Variants in DOP1A observed in about 807,000 individuals in gnomAD.
DOP1A encodes protein DOP1A.
A neutral mutation model predicts 267.6 loss-of-function variants in DOP1A; 90 were observed. That is an observed-to-expected ratio of 0.34 (90% CI 0.28 to 0.40). The LOEUF is 0.40. Among genes scored for constraint, DOP1A ranks in the 10% least tolerant of loss-of-function variants. The pLI is 1.00. For missense variants in DOP1A, 2,437 were observed against 2,900.4 expected, an observed-to-expected ratio of 0.84 and a Z score of 3.67; for synonymous variants, 932 against 999.1, an observed-to-expected ratio of 0.93 and a Z score of 1.27.
intron 15 of DOP1A, among the ~76,000 whole-genome samples, chr6:83,125,948 T>C (rs922661501): frequency 2.0e-5 from 3 of 152,088 alleles, no homozygotes; most frequent in African/African-American, 7.2e-5. Flanking sequence ...GAATGGCATA[T>C]GTAATTCAAT....
intron 1 of DOP1A, among the ~76,000 whole-genome samples, chr6:83,086,722 T>A (rs1287511038): frequency 6.6e-6 from 1 of 152,170 alleles, no homozygotes. Flanking sequence ...TATGGGTGAT[T>A]TTTATACGGG....
intron 1 of DOP1A, chr6:83,073,082 T>C: frequency 4.3e-6 from 1 of 234,956 alleles, no homozygotes; most frequent in Non-Finnish European, 8.9e-6. Context: ...TCACTTTTTT[T>C]TCCTTTTTCT....
At position 83,139,122 on chromosome 6, in the gene DOP1A, A is replaced by G. The variant is rs562548300; in HGVS notation, c.5080A>G (p.Ile1694Val). 4.3e-5 allele frequency: 70 copies of G among 1,613,858 alleles called. 3 individuals carry two copies. The South Asian group carries it at 6.5e-4, about 15-fold the overall frequency. Residue 1694 changes from isoleucine to valine, a missense_variant, in exon 21 of 39, where the codon ATT becomes GTT. Coordinates refer to ENST00000349129, the MANE Select transcript of DOP1A (RefSeq NM_015018.4). ...ACTGTGCAGAAATTTAGATAATCTA[A>G]TTCAGCAGTACAAATACGAAACAGG... ...LQLCRNLDNL[I>V]QQYKYETGLS...
At chr6:83,099,811 C>G (rs1468897754) in intron 3 of DOP1A, among the ~76,000 whole-genome samples, 1 of 151,492 alleles carries the variant, frequency 6.6e-6, no homozygotes, top group East Asian at 1.9e-4. Context: ...CTTTGATGGT[C>G]ATTTCATATA....
Position 83,138,792 on chromosome 6 carries a change from A to C in DOP1A, c.4750A>C (p.Lys1584Gln). Residue 1584 changes from lysine to glutamine, a missense_variant, in exon 21 of 39, where the codon AAG (lysine) becomes CAG (glutamine). Physicochemically the swap from Lys to Gln is moderately conservative, Grantham distance 53. Around this residue, in one of 9 missense-constraint regions of DOP1A, gnomAD observed 878 missense variants for 992.9 expected, o/e 0.88. Transcript: ENST00000349129. Reference protein sequence around the residue: ...NGSTLQSQLLKVLQRLIVLEH... With the variant: ...NGSTLQSQLLQVLQRLIVLEH... ...CAGCACGTTGCAGTCACAACTTCTT[A>C]AGGTGCTTCAGAGGCTGATTGTTCT... 1 of 1,614,028 alleles carries C rather than the reference A, an allele frequency of 6.2e-7. No individual in the cohort carries two copies. Among genetic ancestry groups the C allele is most frequent in the Non-Finnish European group, 8.5e-7 (1 of 1,179,926 alleles).
At chr6:83,137,098 GTCTACATT>G in intron 20 of DOP1A, 67 bp from the exon 21 acceptor site, 1 of 1,353,822 alleles carries the variant, frequency 7.4e-7, no homozygotes, top group South Asian at 1.6e-5. Context: ...ATTTTGATCA[GTCTACATT>G]TCTACATTTC....
Position 83,138,638 on chromosome 6 carries a change from G to T in DOP1A, c.4596G>T (p.Leu1532Phe). 6.2e-7 allele frequency: 1 copy of T among 1,613,876 alleles called. No individual in the cohort carries two copies. The highest frequency in any genetic ancestry group is 8.5e-7 in the Non-Finnish European group (1 of 1,179,924). The change falls in exon 21 of 39, where the codon TTG (leucine) becomes TTT (phenylalanine). Residue 1532 changes from leucine (L) to phenylalanine (F), a missense_variant. By Grantham distance (22) the Leu-to-Phe change is conservative. Coordinates refer to ENST00000349129, the MANE Select transcript of DOP1A (RefSeq NM_015018.4). ...CKVQKVILHC[L>F]LSSIFSAQKW... The stretch of plus-strand genomic sequence containing the variant: ...TTCAGAAAGTGATTCTTCATTGTTT[G>T]CTGTCATCTATCTTTAGTGCTCAGA...
intron 17 of DOP1A, 78 bp from the exon 18 acceptor site, chr6:83,132,098 C>T (rs1053582235): frequency 4.0e-6 from 6 of 1,516,130 alleles, no homozygotes; most frequent in South Asian, 3.7e-5. Context: ...AGCAGGCATT[C>T]ATTTGTACCT....
chr6:83,144,307 A>G (rs1274235257), intron 24 of DOP1A, among the ~76,000 whole-genome samples: 1 of 152,150 alleles, frequency 6.6e-6, no homozygotes, highest in Non-Finnish European at 1.5e-5. Context: ...TAGCAAACCT[A>G]GAGAGTATCA....
intron 7 of DOP1A, among the ~76,000 whole-genome samples, chr6:83,116,972 A>G (rs1212958616): frequency 6.6e-6 from 1 of 152,180 alleles, no homozygotes; most frequent in Non-Finnish European, 1.5e-5. Flanking sequence ...CCAGGCCTGA[A>G]TAATCATAAT....
chr6:83,164,765 C>T, intron 38 of DOP1A: 5 of 1,508,380 alleles, frequency 3.3e-6, no homozygotes, highest in Non-Finnish European at 4.5e-6. Context: ...CAAAAGTTGC[C>T]AAATATTGAG....
chr6:83,068,770 G>A (rs1324776235), intron 1 of DOP1A, among the ~76,000 whole-genome samples: 2 of 152,210 alleles, frequency 1.3e-5, no homozygotes, highest in African/African-American at 4.8e-5. Flanking sequence ...CTCACCACCT[G>A]ATAGATAACA....
chr6:83,139,210 ATGAC>A, intron 21 of DOP1A, 48 bp downstream of exon 21: 3 of 1,392,650 alleles, frequency 2.2e-6, no homozygotes, highest in Non-Finnish European at 3.0e-6. Context: ...TTTCACATAT[ATGAC>A]TGCTTAATGT....
chr6:83,142,923 AT>A (rs1399578929), intron 24 of DOP1A, among the ~76,000 whole-genome samples: 3 of 152,206 alleles, frequency 2.0e-5, no homozygotes, highest in Admixed American at 2.0e-4. Context: ...TATAACTTAC[AT>A]TTATATAAAA....
At chr6:83,141,861 G>A (rs1306642662) in intron 23 of DOP1A, 60 bp from the exon 24 acceptor site, 1 of 1,547,922 alleles carries the variant, frequency 6.5e-7, no homozygotes, top group Non-Finnish European at 8.7e-7. Context: ...ACGCAGTCTA[G>A]TTGTAAATGT....
At chr6:83,097,164 G>T (rs1378749829) in intron 3 of DOP1A, 49 bp downstream of exon 3, 3 of 1,564,894 alleles carry the variant, frequency 1.9e-6, no homozygotes, top group African/African-American at 1.4e-5. Flanking sequence ...TTAGAAATCT[G>T]TGTTTGTACT....
rs1770517771 is a variant in DOP1A, at chr6:83,092,063, T to C, written c.-146-4668T>C. Among the ~76,000 whole-genome samples, 8 of 152,328 alleles carry C rather than the reference T, an allele frequency of 5.3e-5. No individual in the cohort carries two copies. In the South Asian group the frequency reaches 1.7e-3, roughly 32 times the overall value. ...TGTCACTGTTGGTATTTAACTGTTT[T>C]ATTAGCTATCAGAGTTTATGGCCTT... On this transcript the variant is annotated intron_variant, in intron 1 of 38. Transcript: ENST00000349129.
Position 83,138,978 on chromosome 6 carries a change from C to T in DOP1A, c.4936C>T (p.Arg1646Ter). The change falls in exon 21 of 39, where the codon CGA becomes TGA. Residue 1646 changes from arginine (R) to a stop codon, truncating the protein, a stop_gained. Coordinates refer to ENST00000349129, the MANE Select transcript of DOP1A (RefSeq NM_015018.4). LOFTEE classifies it high-confidence loss of function. ...AGGCATGTTCCTCTGTGCAGTGATA[C>T]GAGCTTTGCATCAGCACTGTGCATG... Reference protein sequence around the residue: ...CQGMFLCAVIRALHQHCACKM... With the variant: ...CQGMFLCAVI The T allele has an allele frequency of 2.5e-6, 4 of 1,614,040 alleles. No individual in the cohort carries two copies. The highest frequency in any genetic ancestry group is 1.7e-5 in the Admixed American group (1 of 60,002).
downstream of DOP1A, chr6:83,169,176 T>G: frequency 1.9e-6 from 3 of 1,602,142 alleles, no homozygotes; most frequent in South Asian, 3.3e-5. Context: ...CCATTATTAT[T>G]GACAGTTTTG....
Sources: allele counts gnomAD v4.1 joint callset (sites outside exome capture counted in the v4.1 genomes callset), GRCh38; gene constraint gnomAD v4.1.1; regional missense constraint gnomAD v4.1.1; transcripts MANE v1.5; gene names NCBI Gene and HGNC (gene_info 2026-07-23, HGNC 2026-07-21).